PDE4D: variants seen among roughly 807,000 people sequenced by gnomAD.
PDE4D encodes the protein phosphodiesterase 4D.
Under a neutral mutation model 87.4 loss-of-function variants are expected in PDE4D, and 24 were observed. The observed-to-expected ratio is 0.27, with a 90% confidence interval of 0.20 to 0.39. The LOEUF (loss-of-function observed/expected upper bound fraction) is 0.39, where lower values mean the gene tolerates loss of function less well. PDE4D is among the 10% of genes least tolerant of loss of function. The pLI, the probability that PDE4D is intolerant of heterozygous loss-of-function variation, is 1.00. For missense variants in PDE4D, 714 were observed against 1,041.0 expected (o/e 0.69, Z 4.32); for synonymous variants, 384 against 383.2 (o/e 1.00, Z -0.02).
intron 1 of PDE4D, among the ~76,000 whole-genome samples, chr5:59,748,879 G>T (rs949640245): frequency 6.6e-6 from 1 of 152,170 alleles, no homozygotes; most frequent in East Asian, 1.9e-4. Context: ...TCTGCCAACA[G>T]CCAGTGTAAA....
intron 5 of PDE4D, among the ~76,000 whole-genome samples, chr5:59,080,354 C>G (rs1287863447): frequency 6.6e-6 from 1 of 152,170 alleles, no homozygotes; most frequent in African/African-American, 2.4e-5. Flanking sequence ...TGTAAACAGT[C>G]CCACGAAGAA....
chr5:59,837,913 CTGAT>C (rs1406528020), intron 1 of PDE4D, among the ~76,000 whole-genome samples: 1 of 152,052 alleles, frequency 6.6e-6, no homozygotes, highest in Non-Finnish European at 1.5e-5. Flanking sequence ...GCATGGCTCA[CTGAT>C]AGGTTCTACT....
chr5:59,218,945 C>CA (rs1208635923), intron 1 of PDE4D, among the ~76,000 whole-genome samples: 2 of 146,028 alleles, frequency 1.4e-5, no homozygotes, highest in Non-Finnish European at 1.5e-5. Flanking sequence ...ATCGCAAGAA[C>CA]AAAAAACCAA....
rs531453076 is a variant in PDE4D at position 59,944,639 on chromosome 5, G to A, written c.272+43849C>T. 3.3e-5 allele frequency among the ~76,000 whole-genome samples: 5 copies of A among 151,846 alleles called. No homozygotes were observed. The East Asian group carries it at 7.8e-4, about 24-fold the overall frequency. ...GCCCACCTTGGCCTCCCAAAGTGCT[G>A]GGATTACAGGCGTGAGCCACCGCAC... On this transcript the variant is annotated intron_variant, in intron 3 of 16. Coordinates refer to the PDE4D transcript ENST00000502484.
rs538191787 is a variant in PDE4D at position 59,443,438 on chromosome 5, G to T, written c.456-227470C>A. 3.3e-5 allele frequency among the ~76,000 whole-genome samples: 5 copies of T among 152,192 alleles called. No individual in the cohort carries two copies. In the East Asian group the frequency reaches 9.6e-4, roughly 29 times the overall value. Reference sequence around the variant, plus strand: ...CACTTTATTTTTTATTTCCATAAAAGAAATGGCAGAATTCCTGAACAGCAT... The same window carrying T: ...CACTTTATTTTTTATTTCCATAAAATAAATGGCAGAATTCCTGAACAGCAT... On this transcript the variant is annotated intron_variant, in intron 1 of 14. Transcript: ENST00000340635.
At chr5:60,237,413 T>C (rs1230514861) in intron 1 of PDE4D, among the ~76,000 whole-genome samples, 1 of 152,042 alleles carries the variant, frequency 6.6e-6, no homozygotes, top group African/African-American at 2.4e-5. Context: ...TATCATGGAA[T>C]ACTACTCAGC....
chr5:59,275,862 A>T (rs1361907568), intron 1 of PDE4D: 1 of 985,644 alleles, frequency 1.0e-6, no homozygotes, highest in Non-Finnish European at 1.2e-6. Flanking sequence ...GAGAGCTGTC[A>T]AGGAAGTTCC....
chr5:59,082,806 T>C (rs555380253), intron 5 of PDE4D, among the ~76,000 whole-genome samples: 1 of 152,140 alleles, frequency 6.6e-6, no homozygotes, highest in Non-Finnish European at 1.5e-5. Context: ...CTCTTAATTA[T>C]GCAATTCGAA....
At chr5:59,670,315 G>A (rs1746976352) in intron 1 of PDE4D, among the ~76,000 whole-genome samples, 1 of 152,064 alleles carries the variant, frequency 6.6e-6, no homozygotes, top group African/African-American at 2.4e-5. Flanking sequence ...ATTTCACAAG[G>A]TAGGTTAAGC....
At chr5:60,177,085 T>C (rs544095079) in intron 2 of PDE4D, among the ~76,000 whole-genome samples, 1 of 152,288 alleles carries the variant, frequency 6.6e-6, no homozygotes, top group South Asian at 2.1e-4. Flanking sequence ...ACACTATGAT[T>C]TTTTCCCATT....
chr5:59,807,791 T>C (rs981603599), intron 1 of PDE4D, among the ~76,000 whole-genome samples: 2 of 152,186 alleles, frequency 1.3e-5, no homozygotes, highest in African/African-American at 2.4e-5. Context: ...TCACAGTTCA[T>C]TAGGCTGATT....
intron 1 of PDE4D, among the ~76,000 whole-genome samples, chr5:59,791,226 T>TA (rs1398058543): frequency 6.6e-6 from 1 of 152,242 alleles, no homozygotes; most frequent in Non-Finnish European, 1.5e-5. Context: ...GTAATGCATG[T>TA]ACAGCCTAAA....
intron 1 of PDE4D, among the ~76,000 whole-genome samples, chr5:59,841,691 C>A (rs923429800): frequency 1.3e-5 from 2 of 151,894 alleles, no homozygotes; most frequent in African/African-American, 4.8e-5. Context: ...GACACCAGGA[C>A]AACAGAGAAG....
At chr5:59,533,323 A>T (rs1041776650) in intron 1 of PDE4D, among the ~76,000 whole-genome samples, 1 of 152,280 alleles carries the variant, frequency 6.6e-6, no homozygotes, top group Non-Finnish European at 1.5e-5. Context: ...CTTGGAACTC[A>T]TATGCTTATA....
chr5:60,139,074 G>A (rs1780299980), intron 2 of PDE4D, among the ~76,000 whole-genome samples: 1 of 151,110 alleles, frequency 6.6e-6, no homozygotes. Context: ...CGGAAGCTAG[G>A]ATGGTTCTAA....
intron 1 of PDE4D, among the ~76,000 whole-genome samples, chr5:59,478,098 T>C (rs2153654942): frequency 6.6e-6 from 1 of 152,104 alleles, no homozygotes. Context: ...GATGCTATGC[T>C]CACTATCTGG....
At chr5:59,173,748 T>C (rs545604319) in intron 5 of PDE4D, among the ~76,000 whole-genome samples, 1 of 152,302 alleles carries the variant, frequency 6.6e-6, no homozygotes, top group East Asian at 1.9e-4. Flanking sequence ...TGCCTGCTGG[T>C]GGTTGATGAG....
intron 3 of PDE4D, among the ~76,000 whole-genome samples, chr5:59,919,550 T>A (rs1329227203): frequency 6.6e-6 from 1 of 152,196 alleles, no homozygotes; most frequent in East Asian, 1.9e-4. Flanking sequence ...TGAGGTCAGA[T>A]TCACATCCTC....
chr5:59,013,237 G>A (rs1036562028), intron 6 of PDE4D, among the ~76,000 whole-genome samples: 8 of 152,046 alleles, frequency 5.3e-5, no homozygotes, highest in African/African-American at 1.2e-4. Flanking sequence ...ACAATTAAAC[G>A]AACTAGAAAA....
Sources: gnomAD v4.1 joint callset for allele counts (sites outside exome capture counted in the v4.1 genomes callset) on GRCh38, gnomAD v4.1.1 for gene constraint, MANE v1.5 for transcripts, NCBI Gene and HGNC (gene_info 2026-07-23, HGNC 2026-07-21) for gene names.